Variants in CDH19 observed in about 807,000 individuals in gnomAD.
CDH19 encodes cadherin 19.
CDH19 carries 67 observed loss-of-function variants against 64.2 expected under a neutral mutation model. The observed-to-expected ratio is 1.04, with a 90% CI of 0.86 to 1.28. The LOEUF (loss-of-function observed/expected upper bound fraction) is 1.28, where lower values mean the gene tolerates loss of function less well. Ranked by LOEUF, CDH19 falls within the 50% of genes most tolerant of loss-of-function variation. CDH19 has a pLI of 0.00. For missense variants in CDH19, 1,030 were observed against 929.0 expected, an observed-to-expected ratio of 1.11 and a Z score of -1.41; for synonymous variants, 346 against 319.3, an observed-to-expected ratio of 1.08 and a Z score of -0.89.
At position 66,501,666 on chromosome 18, in the gene CDH19, T is replaced by C. The variant is rs1403540038; in HGVS notation, c.*3146A>G. On this transcript the variant is annotated 3_prime_UTR_variant, in exon 12 of 12. Transcript: ENST00000262150. ...ATACCATTAGCTGTTGTTATAATAA[T>C]TCACTGTTATTTATTGAGCAGTTAT... The C allele has an allele frequency of 6.6e-6, 1 of 152,136 alleles. No individual in the cohort carries two copies. Among genetic ancestry groups the C allele is most frequent in the Non-Finnish European group, 1.5e-5 (1 of 68,020 alleles). The allele number at this position is 152,136 out of a possible 1,614,324, so 9.4% of individuals were successfully genotyped here.
At position 66,521,530 on chromosome 18, in the gene CDH19, T is replaced by TACTTA. The variant is rs1168665817; in HGVS notation, c.1458+8314_1458+8315insTAAGT. On this transcript the variant is annotated intron_variant, in intron 9 of 11. Transcript: ENST00000262150. ...TATTTATTTATTTATTTATTTTGTT[T>TACTTA]GTTTGTTTGTTTGTTTATTTGTTTT... 7.8e-3 allele frequency among the ~76,000 whole-genome samples: 1,124 copies of TACTTA among 144,566 alleles called. 9 individuals are homozygous for TACTTA. The highest frequency in any genetic ancestry group is 0.028 in the African/African-American group (1,048 of 37,222). The allele number at this position is 144,566 out of a possible 152,430, so 94.8% of individuals were successfully genotyped here. A position where few individuals can be genotyped will look rare whatever the true frequency, so the allele number is the denominator to read the frequency against.
intron 7 of CDH19, among the ~76,000 whole-genome samples, chr18:66,538,145 A>C (rs1986746354): frequency 6.6e-6 from 1 of 152,086 alleles, no homozygotes; most frequent in South Asian, 2.1e-4. Context: ...TGTAGAGTAC[A>C]TTTCTTCTGA....
Position 66,551,209 on chromosome 18 carries a change from A to G in CDH19, c.660T>C (p.Tyr220=). The change falls in exon 5 of 12, where the codon TAT becomes TAC. Residue 220 remains tyrosine (Y), a synonymous_variant. Transcript: ENST00000262150. ...TGTCCTTGGCTTGAATGATTACCCA[A>G]TACTCATCTTGCAGTTCTCTATCCA... is the stretch of plus-strand genomic sequence containing the variant. ...SKMDRELQDE[Y]WVIIQAKDMI... The G allele has an allele frequency of 6.3e-7, 1 of 1,577,292 alleles. No individual in the cohort carries two copies. Among genetic ancestry groups the G allele is most frequent in the Non-Finnish European group, 8.7e-7 (1 of 1,147,022 alleles).
At chr18:66,582,264 A>G (rs1014406942) in intron 1 of CDH19, among the ~76,000 whole-genome samples, 2 of 152,096 alleles carry the variant, frequency 1.3e-5, no homozygotes, top group Non-Finnish European at 2.9e-5. Flanking sequence ...AGAATGATGG[A>G]TTTGATGGCT....
intron 7 of CDH19, among the ~76,000 whole-genome samples, chr18:66,537,669 A>G (rs892083540): frequency 2.8e-4 from 43 of 152,184 alleles, no homozygotes; most frequent in Middle Eastern, 6.8e-3. Flanking sequence ...GAACCACAAG[A>G]TGCTCCAGGA....
rs2144581308 is a variant in CDH19, at chr18:66,572,011, T to C, written c.194A>G (p.Gln65Arg). Residue 65 changes from glutamine (Q) to arginine (R), a missense_variant and splice_region_variant, in exon 2 of 12, where the codon CAG (glutamine) becomes CGG (arginine). Physicochemically the swap from Gln to Arg is conservative, Grantham distance 43 (BLOSUM62 1). Coordinates refer to ENST00000262150, the MANE Select transcript of CDH19 (RefSeq NM_021153.4). ...GTAACATTTTAAATAAATAAGTACC[T>C]GGCCGATGTGATGACTAGTCGTATT... ...EMNTTSHHIG[Q>R]LRSDLDNGNN... is the part of the protein sequence containing the mutation. 1 of 1,604,574 alleles carries C rather than the reference T, an allele frequency of 6.2e-7. No homozygotes were observed. Among genetic ancestry groups the C allele is most frequent in the Non-Finnish European group, 8.5e-7 (1 of 1,173,062 alleles).
Position 66,503,187 on chromosome 18 carries a change from G to A in CDH19, c.*1625C>T, listed in dbSNP as rs900305442. On this transcript the variant is annotated 3_prime_UTR_variant, in exon 12 of 12. Coordinates refer to ENST00000262150, the MANE Select transcript of CDH19 (RefSeq NM_021153.4). ...TTTGAAGTCTACCTTGATTTGGATA[G>A]AATAATAAAGATCATTCTTAAAAGG... 6.6e-6 allele frequency: 1 copy of A among 151,700 alleles called. No homozygotes were observed. The highest frequency in any genetic ancestry group is 3.2e-3 in the Middle Eastern group (1 of 314). 9.4% of individuals were successfully genotyped at this position (151,700 alleles called of 1,614,324 possible). A position where few individuals can be genotyped will look rare whatever the true frequency, so the allele number is the denominator to read the frequency against.
chr18:66,603,566 G>T (rs1434517191), intron 1 of CDH19, among the ~76,000 whole-genome samples: 1 of 150,746 alleles, frequency 6.6e-6, no homozygotes, highest in Non-Finnish European at 1.5e-5. Flanking sequence ...TGATATACAT[G>T]GTAAATACAT....
At chr18:66,536,828 A>G (rs979387419) in intron 7 of CDH19, among the ~76,000 whole-genome samples, 1 of 151,802 alleles carries the variant, frequency 6.6e-6, no homozygotes, top group Non-Finnish European at 1.5e-5. Flanking sequence ...TAAATTTTAC[A>G]TATATGTAAA....
Position 66,505,140 on chromosome 18 carries a change from AT to A in CDH19, c.1990del (p.Ile664Ter). The A allele has an allele frequency of 6.2e-7, 1 of 1,613,568 alleles. No homozygotes were observed. Among genetic ancestry groups the A allele is most frequent in the Non-Finnish European group, 8.5e-7 (1 of 1,179,718 alleles). ...FDIAELRSST[I>X]MRERKTRKTT... ...TTTCCGAGTCTTGCGTTCCCGCATT[AT>A]GGTACTACTCCTCAGCTCTGCTATA... On this transcript the variant is annotated frameshift_variant, in exon 12 of 12. Transcript: ENST00000262150. LOFTEE classifies it low-confidence loss of function (END_TRUNC).
chr18:66,537,936 G>T (rs1381588120), intron 7 of CDH19, among the ~76,000 whole-genome samples: 1 of 151,986 alleles, frequency 6.6e-6, no homozygotes, highest in African/African-American at 2.4e-5. Flanking sequence ...AGGCATTCGT[G>T]CATCATACCT....
chr18:66,563,178 C>T (rs572861787), intron 3 of CDH19, among the ~76,000 whole-genome samples: 5 of 151,876 alleles, frequency 3.3e-5, no homozygotes, highest in African/African-American at 1.2e-4. Flanking sequence ...CAACCTGTGG[C>T]GAGGGCATTT....
chr18:66,535,374 T>C (rs1986621375), intron 7 of CDH19, among the ~76,000 whole-genome samples: 1 of 151,496 alleles, frequency 6.6e-6, no homozygotes, highest in African/African-American at 2.4e-5. Context: ...TCCTATCAAA[T>C]AAATTAAAAT....
intron 9 of CDH19, among the ~76,000 whole-genome samples, chr18:66,514,817 A>C (rs1985663121): frequency 6.6e-6 from 1 of 151,588 alleles, no homozygotes; most frequent in Non-Finnish European, 1.5e-5. Context: ...TAAGCCCAAT[A>C]CTCACATTCT....
intron 5 of CDH19, among the ~76,000 whole-genome samples, chr18:66,547,482 A>C (rs904287132): frequency 6.6e-6 from 1 of 151,982 alleles, no homozygotes; most frequent in Non-Finnish European, 1.5e-5. Flanking sequence ...CCATAATCTG[A>C]GTGGGATCAC....
In CDH19 at chr18:66,509,114, A is replaced by C; in HGVS notation, c.1709T>G (p.Val570Gly). The C allele has an allele frequency of 6.2e-7, 1 of 1,613,020 alleles. No homozygotes were observed. Among genetic ancestry groups the C allele is most frequent in the Non-Finnish European group, 8.5e-7 (1 of 1,179,352 alleles). The change falls in exon 11 of 12, where the codon GTC (valine) becomes GGC (glycine). Residue 570 changes from valine to glycine, a missense_variant. By Grantham distance (109) the Val-to-Gly change is moderately radical (BLOSUM62 -3). Coordinates refer to ENST00000262150, the MANE Select transcript of CDH19 (RefSeq NM_021153.4). ...LTSTNTLTIH[V>G]CDCGDSGSTQ... ...GCTCCCACTGTCACCACAGTCACAG[A>C]CATGGATGGTAAGGGTGTTTGTACT...
intron 5 of CDH19, 56 bp from the exon 6 acceptor site, chr18:66,544,959 A>C: frequency 7.8e-7 from 1 of 1,275,200 alleles, no homozygotes; most frequent in Non-Finnish European, 1.1e-6. Context: ...GACAACTTGC[A>C]ATTATAGTTT....
Position 66,501,863 on chromosome 18 carries a change from C to T in CDH19, c.*2949G>A, listed in dbSNP as rs1364536533. 1 of 152,008 alleles carries T rather than the reference C, an allele frequency of 6.6e-6. No homozygotes were observed. The highest frequency in any genetic ancestry group is 2.4e-5 in the African/African-American group (1 of 41,412). The allele number at this position is 152,008 out of a possible 1,614,324, so 9.4% of individuals were successfully genotyped here. A position where few individuals can be genotyped will look rare whatever the true frequency, so the allele number is the denominator to read the frequency against. On this transcript the variant is annotated 3_prime_UTR_variant, in exon 12 of 12. Transcript: ENST00000262150. The stretch of plus-strand genomic sequence containing the variant: ...CTTAATTGAAAGTAACTAATTCAAA[C>T]AAAGATCTGTTAGGCTCAAGCACAT...
At chr18:66,520,570 T>G (rs1225732581) in intron 9 of CDH19, among the ~76,000 whole-genome samples, 1 of 152,058 alleles carries the variant, frequency 6.6e-6, no homozygotes, top group African/African-American at 2.4e-5. Context: ...TTTTAAGATC[T>G]GTATATCTTC....
Sources: allele counts gnomAD v4.1 joint callset (sites outside exome capture counted in the v4.1 genomes callset), GRCh38; gene constraint gnomAD v4.1.1; transcripts MANE v1.5; gene names NCBI Gene and HGNC (gene_info 2026-07-23, HGNC 2026-07-21).